The following B3GNT4 variants were observed in gnomAD, a reference collection of about 807,000 sequenced individuals.
B3GNT4 encodes the protein UDP-GlcNAc:betaGal beta-1,3-N-acetylglucosaminyltransferase 4.
B3GNT4 carries 2 observed loss-of-function variants against 2.7 expected under a neutral mutation model. That is an observed-to-expected ratio of 0.73 (90% CI 0.30 to 2.31). The LOEUF (loss-of-function observed/expected upper bound fraction) is 2.31, where lower values mean the gene tolerates loss of function less well. Ranked by LOEUF, B3GNT4 falls within the 30% of genes most tolerant of loss-of-function variation. The pLI is 0.12. For missense variants in B3GNT4, 708 were observed against 490.9 expected (o/e 1.44, Z -4.18); for synonymous variants, 280 against 203.4 (o/e 1.38, Z -3.20).
Position 122,208,828 on chromosome 12 carries a change from T to G in B3GNT4, c.*1440T>G. ...CAACATCACAATTATTAAATGCAAC[T>G]CTCACAATCATCTTTATAGCTACAG... On this transcript the variant is annotated 3_prime_UTR_variant, in exon 3 of 3. Coordinates refer to ENST00000324189, the MANE Select transcript of B3GNT4 (RefSeq NM_030765.4). 1 of 600,598 alleles carries G rather than the reference T, an allele frequency of 1.7e-6. No homozygotes were observed. The highest frequency in any genetic ancestry group is 1.8e-5 in the African/African-American group (1 of 55,136). The allele number at this position is 600,598 out of a possible 1,614,324, so 37.2% of individuals were successfully genotyped here. A position where few individuals can be genotyped will look rare whatever the true frequency, so the allele number is the denominator to read the frequency against.
rs769648867 is a variant in B3GNT4 at position 122,207,060 on chromosome 12, C to T, written c.809C>T (p.Thr270Ile). ...YFIPPSMYRA[T>I]HYPPYAGGGG... ...ATCCCACCCTCAATGTACAGGGCCA[C>T]CCACTACCCACCCTATGCTGGTGGG... is the stretch of plus-strand genomic sequence containing the variant. Residue 270 changes from threonine to isoleucine, a missense_variant, in exon 3 of 3, where the codon ACC becomes ATC. Transcript: ENST00000324189. 1.5e-5 allele frequency: 24 copies of T among 1,613,790 alleles called. No individual in the cohort carries two copies. The highest frequency in any genetic ancestry group is 1.3e-4 in the Admixed American group (8 of 59,980).
chr12:122,208,663 G>A lies in B3GNT4; in HGVS notation c.*1275G>A. The A allele has an allele frequency of 7.1e-7, 1 of 1,401,634 alleles. No homozygotes were observed. Among genetic ancestry groups the A allele is most frequent in the Non-Finnish European group, 9.8e-7 (1 of 1,016,510 alleles). The allele number at this position is 1,401,634 out of a possible 1,614,324, so 86.8% of individuals were successfully genotyped here. ...ACGTTGGCCTGGGGGTGCTGTGGCT[G>A]TCATCTGAACCCCTCTTGGGGTCAC... On this transcript the variant is annotated 3_prime_UTR_variant, in exon 3 of 3. Coordinates refer to ENST00000324189, the MANE Select transcript of B3GNT4 (RefSeq NM_030765.4).
chr12:122,204,490 C>T (rs1045905880), intron 1 of B3GNT4, 32 bp from the exon 2 acceptor site: 2 of 800,464 alleles, frequency 2.5e-6, no homozygotes, highest in East Asian at 2.7e-5. Flanking sequence ...CGGTGAATGG[C>T]ACCGCCGCCC....
At position 122,207,095 on chromosome 12, in the gene B3GNT4, G is replaced by A. The variant is rs1953935240; in HGVS notation, c.844G>A (p.Val282Ile). ...ACCCTATGCTGGTGGGGGAGGATAT[G>A]TCATGTCCAGAGCCACAGTGCGGCG... Reference protein sequence around the residue: ...YPPYAGGGGYVMSRATVRRLQ... With the variant: ...YPPYAGGGGYIMSRATVRRLQ... Residue 282 changes from valine (V) to isoleucine (I), a missense_variant, in exon 3 of 3, where the codon GTC becomes ATC. Physicochemically the swap from Val to Ile is conservative, Grantham distance 29 (BLOSUM62 3). Coordinates refer to ENST00000324189, the MANE Select transcript of B3GNT4 (RefSeq NM_030765.4). 1.2e-6 allele frequency: 2 copies of A among 1,614,122 alleles called. No homozygotes were observed. The highest frequency in any genetic ancestry group is 2.7e-5 in the African/African-American group (2 of 75,048).
Position 122,207,082 on chromosome 12 carries a change from T to TG in B3GNT4, c.836dup (p.Gly280ArgfsTer20). 6.2e-7 allele frequency: 1 copy of TG among 1,613,938 alleles called. No individual in the cohort carries two copies. Among genetic ancestry groups the TG allele is most frequent in the African/African-American group, 1.3e-5 (1 of 74,982 alleles). ...CCACCCACTACCCACCCTATGCTGG[T>TG]GGGGGAGGATATGTCATGTCCAGAG... On this transcript the variant is annotated frameshift_variant, in exon 3 of 3. Coordinates refer to ENST00000324189, the MANE Select transcript of B3GNT4 (RefSeq NM_030765.4). LOFTEE classifies it low-confidence loss of function (END_TRUNC).
In B3GNT4 at chr12:122,207,411, G is replaced by C; in HGVS notation, c.*23G>C. The C allele has an allele frequency of 5.3e-6, 8 of 1,515,652 alleles. No individual in the cohort carries two copies. Among genetic ancestry groups the C allele is most frequent in the Non-Finnish European group, 7.1e-6 (8 of 1,134,338 alleles). 93.9% of individuals were successfully genotyped at this position (1,515,652 alleles called of 1,614,324 possible). A position where few individuals can be genotyped will look rare whatever the true frequency, so the allele number is the denominator to read the frequency against. The stretch of plus-strand genomic sequence containing the variant: ...TGAAGGGTGGGTTGGGCAACAGCCT[G>C]AGAGTGGACTCAGTGTTGATTCTCT... On this transcript the variant is annotated 3_prime_UTR_variant, in exon 3 of 3. Coordinates refer to ENST00000324189, the MANE Select transcript of B3GNT4 (RefSeq NM_030765.4).
chr12:122,204,286 C>T (rs886833478), intron 1 of B3GNT4, among the ~76,000 whole-genome samples: 1 of 151,966 alleles, frequency 6.6e-6, no homozygotes, highest in East Asian at 1.9e-4. Context: ...CGCGCCCCAC[C>T]AGACGGGGTC....
rs1954002836 is a variant in B3GNT4, at chr12:122,208,725, A to C, written c.*1337A>C. 1 of 779,592 alleles carries C rather than the reference A, an allele frequency of 1.3e-6. No individual in the cohort carries two copies. The highest frequency in any genetic ancestry group is 1.7e-5 in the African/African-American group (1 of 58,736). The allele number at this position is 779,592 out of a possible 1,614,324, so 48.3% of individuals were successfully genotyped here. A position where few individuals can be genotyped will look rare whatever the true frequency, so the allele number is the denominator to read the frequency against. The stretch of plus-strand genomic sequence containing the variant: ...TCCCTGTCTTCTCTCTCTGCAAAGA[A>C]ACTTCCACCTCTATGTTCAGGTCTG... On this transcript the variant is annotated 3_prime_UTR_variant, in exon 3 of 3. Transcript: ENST00000324189.
intron 2 of B3GNT4, 86 bp from the exon 3 acceptor site, chr12:122,206,232 C>G: frequency 9.1e-7 from 1 of 1,104,540 alleles, no homozygotes; most frequent in Non-Finnish European, 1.3e-6. Context: ...AGGGACTTAG[C>G]GGCTGGGGTG....
chr12:122,207,599 G>A lies in B3GNT4; in HGVS notation c.*211G>A. On this transcript the variant is annotated 3_prime_UTR_variant, in exon 3 of 3. Coordinates refer to ENST00000324189, the MANE Select transcript of B3GNT4 (RefSeq NM_030765.4). ...GTGTAGCAAATGCTGCCAGGAACCT[G>A]TCGGGGCATTCCGGGCGCTGCCTGG... The A allele has an allele frequency of 1.5e-6, 1 of 646,458 alleles. No individual in the cohort carries two copies. The highest frequency in any genetic ancestry group is 2.7e-6 in the Non-Finnish European group (1 of 374,770). The allele number at this position is 646,458 out of a possible 1,614,324, so 40.0% of individuals were successfully genotyped here.
rs779602234 is a variant in B3GNT4, at chr12:122,207,422, CAG to C, written c.*35_*36del. The C allele has an allele frequency of 8.0e-6, 12 of 1,501,124 alleles. No homozygotes were observed. The highest frequency in any genetic ancestry group is 6.9e-5 in the East Asian group (3 of 43,604). 93.0% of individuals were successfully genotyped at this position (1,501,124 alleles called of 1,614,324 possible). On this transcript the variant is annotated 3_prime_UTR_variant, in exon 3 of 3. Transcript: ENST00000324189. ...TTGGGCAACAGCCTGAGAGTGGACT[CAG>C]TGTTGATTCTCTATCGTGATGCGAA...
In B3GNT4 at chr12:122,204,594, C is replaced by T; in HGVS notation, c.-25C>T. 1 of 1,595,696 alleles carries T rather than the reference C, an allele frequency of 6.3e-7. No homozygotes were observed. Among genetic ancestry groups the T allele is most frequent in the Non-Finnish European group, 8.6e-7 (1 of 1,164,936 alleles). On this transcript the variant is annotated 5_prime_UTR_variant, in exon 2 of 3. It adds an upstream start codon to the 5' untranslated region. Transcript: ENST00000324189. ...CCGCCGCCGCCCGGCATCCTGAGCA[C>T]GGAGACAGTCTCCAGCTGCCGTTCA...
intron 2 of B3GNT4, chr12:122,205,916 C>T (rs1024288921): frequency 5.5e-6 from 1 of 181,448 alleles, no homozygotes; most frequent in African/African-American, 2.3e-5. Context: ...GAAATGGTTT[C>T]ACTTCCCACT....
chr12:122,206,929 C>G lies in B3GNT4; in HGVS notation c.678C>G (p.Pro226=). The G allele has an allele frequency of 6.2e-7, 1 of 1,614,122 alleles. No individual in the cohort carries two copies. The highest frequency in any genetic ancestry group is 1.3e-5 in the African/African-American group (1 of 75,040). ...ATGACGATGTCTTTGTCCACGTCCC[C>G]AACGTGTTAGAGTTCCTGGATGGCT... ...KGDDDVFVHV[P]NVLEFLDGWD... Residue 226 remains proline (P), a synonymous_variant, in exon 3 of 3, where the codon CCC becomes CCG. Coordinates refer to ENST00000324189, the MANE Select transcript of B3GNT4 (RefSeq NM_030765.4).
chr12:122,207,651 A>AG lies in B3GNT4; in HGVS notation c.*265dup. 1 of 639,862 alleles carries AG rather than the reference A, an allele frequency of 1.6e-6. No individual in the cohort carries two copies. Among genetic ancestry groups the AG allele is most frequent in the Non-Finnish European group, 2.9e-6 (1 of 349,926 alleles). 39.6% of individuals were successfully genotyped at this position (639,862 alleles called of 1,614,324 possible). ...GCGCTGCAGTCTGGGACCTCAAGGA[A>AG]GGAGGCTGCATAGGACCCCAGGAGA... is the stretch of plus-strand genomic sequence containing the variant. On this transcript the variant is annotated 3_prime_UTR_variant, in exon 3 of 3. Coordinates refer to ENST00000324189, the MANE Select transcript of B3GNT4 (RefSeq NM_030765.4).
rs1298014289 is a variant in B3GNT4, at chr12:122,207,177, G to A, written c.926G>A (p.Gly309Asp). 1 of 1,614,050 alleles carries A rather than the reference G, an allele frequency of 6.2e-7. No homozygotes were observed. Among genetic ancestry groups the A allele is most frequent in the Non-Finnish European group, 8.5e-7 (1 of 1,180,012 alleles). ...TTCCCCATTGATGATGTCTTTGTGG[G>A]TATGTGCCTGAGGCGGCTGGGGCTG... ...ELFPIDDVFV[G>D]MCLRRLGLSP... The change falls in exon 3 of 3, where the codon GGT (glycine) becomes GAT (aspartate). Residue 309 changes from glycine (G) to aspartate (D), a missense_variant. Transcript: ENST00000324189.
chr12:122,205,827 C>T (rs1408762127), intron 2 of B3GNT4: 2 of 154,052 alleles, frequency 1.3e-5, no homozygotes, highest in Non-Finnish European at 2.9e-5. Flanking sequence ...TGCTGGTTCT[C>T]CTCCGAGGGA....
chr12:122,205,187 G>T (rs775505381), intron 2 of B3GNT4: 1 of 155,712 alleles, frequency 6.4e-6, no homozygotes, highest in South Asian at 2.0e-4. Context: ...TTCACGCAAG[G>T]TGCCATTCCT....
At chr12:122,205,682 C>T (rs971478509) in intron 2 of B3GNT4, 2 of 152,438 alleles carry the variant, frequency 1.3e-5, no homozygotes, top group African/African-American at 4.8e-5. Context: ...GAAGCCATCC[C>T]TGATACAAGT....
Sources: gnomAD v4.1 joint callset for allele counts (sites outside exome capture counted in the v4.1 genomes callset) on GRCh38, gnomAD v4.1.1 for gene constraint, MANE v1.5 for transcripts, NCBI Gene and HGNC (gene_info 2026-07-23, HGNC 2026-07-21) for gene names.